Variants in C3orf49 observed in about 807,000 individuals in gnomAD.
C3orf49 encodes chromosome 3 open reading frame 49, also known as putative uncharacterized protein C3orf49.
C3orf49 carries 27 observed loss-of-function variants against 13.3 expected under a neutral mutation model. The ratio of observed to expected loss-of-function variants is 2.02; its 90% CI spans 1.49 to 2.79. C3orf49 has a LOEUF of 2.79. C3orf49 is among the 30% of genes most tolerant of loss of function. The pLI, the probability that C3orf49 is intolerant of heterozygous loss-of-function variation, is 0.00. For missense variants in C3orf49, 242 were observed against 134.2 expected (o/e 1.80, Z -3.97); for synonymous variants, 87 against 47.6 (o/e 1.83, Z -3.40).
the C3orf49 span, among the ~76,000 whole-genome samples, chr3:63,793,856 G>A: frequency 3.9e-5 from 6 of 152,002 alleles, no homozygotes; most frequent in East Asian, 1.9e-4. Flanking sequence ...ACAAATAAGC[G>A]CTCAATAAAT....
At chr3:63,834,272 C>G in intron 5 of C3orf49, 2 of 1,432,970 alleles carry the variant, frequency 1.4e-6, no homozygotes, top group African/African-American at 1.4e-5. Flanking sequence ...CACATGAAAA[C>G]ATGTTTATCC....
rs1356797716 is a variant in C3orf49, at chr3:63,828,658, C to T, written c.570+933C>T. ...TATTTTTCAAAAATAGAACCATGAACTATTATTATTATTATTTTAGATACA... is the reference window on the plus strand; with the variant it reads ...TATTTTTCAAAAATAGAACCATGAATTATTATTATTATTATTTTAGATACA... On this transcript the variant is annotated intron_variant, in intron 3 of 6. Transcript: ENST00000295896. Among the ~76,000 whole-genome samples, 7 of 152,134 alleles carry T rather than the reference C, an allele frequency of 4.6e-5. No homozygotes were observed. The East Asian group carries it at 1.4e-3, about 29-fold the overall frequency.
chr3:63,793,517 G>A, the C3orf49 span, among the ~76,000 whole-genome samples: 1 of 150,984 alleles, frequency 6.6e-6, no homozygotes, highest in South Asian at 2.1e-4. Flanking sequence ...CCCCTTCTTC[G>A]AGTCTCCAGC....
intron 3 of C3orf49, among the ~76,000 whole-genome samples, chr3:63,830,315 T>C (rs1376452837): frequency 6.6e-6 from 1 of 151,886 alleles, no homozygotes; most frequent in Non-Finnish European, 1.5e-5. Context: ...AAAAGAGGGG[T>C]CTTACTTTAG....
intron 2 of C3orf49, 123 bp downstream of exon 2, chr3:63,823,692 G>A (rs1701428384): frequency 1.6e-6 from 1 of 607,124 alleles, no homozygotes; most frequent in Admixed American, 2.9e-5. Context: ...CAGAATCTCA[G>A]GCCCTACCTG....
In C3orf49 at chr3:63,827,719, G is replaced by A. The variant is rs1280210554; in HGVS notation, c.564G>A (p.Leu188=). 3 of 702,154 alleles carry A rather than the reference G, an allele frequency of 4.3e-6. No homozygotes were observed. The highest frequency in any genetic ancestry group is 7.8e-6 in the Non-Finnish European group (3 of 384,792). 43.5% of individuals were successfully genotyped at this position (702,154 alleles called of 1,614,324 possible). A position where few individuals can be genotyped will look rare whatever the true frequency, so the allele number is the denominator to read the frequency against. Residue 188 remains leucine, a synonymous_variant, in exon 3 of 7, where the codon CTG becomes CTA. Coordinates refer to ENST00000295896, the MANE Select transcript of C3orf49 (RefSeq NM_001355236.2). ...RLSVTSLPSG[L]QKGPYSPKKR... The stretch of plus-strand genomic sequence containing the variant: ...CTGTGACATCTCTTCCTTCAGGACT[G>A]CAAAAGGTAAAACGCTAAATGAATT...
At chr3:63,827,387 C>T (rs1340932014) in intron 2 of C3orf49, 6 of 414,762 alleles carry the variant, frequency 1.4e-5, no homozygotes, top group Admixed American at 1.1e-4. Flanking sequence ...GGGTTGGTGT[C>T]CACTGAGGTC....
At chr3:63,833,004 A>C (rs1255289387) in intron 5 of C3orf49, 1 of 152,160 alleles carries the variant, frequency 6.6e-6, no homozygotes, top group Admixed American at 6.6e-5. Flanking sequence ...CTGAACAAGT[A>C]TTACACATAT....
At chr3:63,782,003 G>A in the C3orf49 span, among the ~76,000 whole-genome samples, 1 of 152,172 alleles carries the variant, frequency 6.6e-6, no homozygotes, top group African/African-American at 2.4e-5. Context: ...TCTGGCTCTA[G>A]AGCCTGTATG....
the C3orf49 span, among the ~76,000 whole-genome samples, chr3:63,800,042 G>A: frequency 6.6e-6 from 1 of 152,154 alleles, no homozygotes; most frequent in Non-Finnish European, 1.5e-5. Flanking sequence ...TGTACTAGAA[G>A]GGAAGCAATT....
At chr3:63,838,557 T>G in intron 5 of C3orf49, 2 of 1,501,928 alleles carry the variant, frequency 1.3e-6, no homozygotes, top group Non-Finnish European at 1.8e-6. Flanking sequence ...AAAAGTGAAC[T>G]GTTATAATGC....
At chr3:63,821,712 G>T (rs949761857) in intron 1 of C3orf49, among the ~76,000 whole-genome samples, 1 of 151,996 alleles carries the variant, frequency 6.6e-6, no homozygotes, top group African/African-American at 2.4e-5. Flanking sequence ...ATTACATGAT[G>T]TATATTTCCA....
the C3orf49 span, among the ~76,000 whole-genome samples, chr3:63,783,406 G>C: frequency 6.6e-6 from 1 of 151,966 alleles, no homozygotes; most frequent in African/African-American, 2.4e-5. Context: ...TTCTGGGCTG[G>C]GCATGGTGGC....
intron 6 of C3orf49, chr3:63,846,231 T>C (rs1166466604): frequency 2.2e-6 from 1 of 451,082 alleles, no homozygotes; most frequent in Non-Finnish European, 4.5e-6. Flanking sequence ...AAAAAAGCAG[T>C]TAAACAGTTT....
At chr3:63,827,342 G>A (rs1199882599) in intron 2 of C3orf49, 9 of 297,144 alleles carry the variant, frequency 3.0e-5, no homozygotes, top group Middle Eastern at 9.9e-4. Context: ...CTTAAATCTC[G>A]AAGAGAGAGA....
the C3orf49 span, among the ~76,000 whole-genome samples, chr3:63,780,445 C>T: frequency 6.6e-6 from 1 of 152,176 alleles, no homozygotes; most frequent in Non-Finnish European, 1.5e-5. Flanking sequence ...CCGCAATAAA[C>T]ATACGTGTGC....
At position 63,827,718 on chromosome 3, in the gene C3orf49, T is replaced by C. The variant is rs547628233; in HGVS notation, c.563T>C (p.Leu188Pro). Residue 188 changes from leucine (L) to proline (P), a missense_variant, in exon 3 of 7, where the codon CTG becomes CCG. Leu to Pro is a moderately conservative substitution (Grantham distance 98). Transcript: ENST00000295896. Reference protein sequence around the residue: ...RLSVTSLPSGLQKGPYSPKKR... With the variant: ...RLSVTSLPSGPQKGPYSPKKR... ...TCTGTGACATCTCTTCCTTCAGGAC[T>C]GCAAAAGGTAAAACGCTAAATGAAT... is the stretch of plus-strand genomic sequence containing the variant. 3.7e-5 allele frequency: 26 copies of C among 702,314 alleles called. No individual in the cohort carries two copies. In the Admixed American group the frequency reaches 5.2e-4, roughly 14 times the overall value. 43.5% of individuals were successfully genotyped at this position (702,314 alleles called of 1,614,324 possible).
chr3:63,846,405 T>G (rs1412175145), intron 6 of C3orf49, among the ~76,000 whole-genome samples: 1 of 152,114 alleles, frequency 6.6e-6, no homozygotes, highest in Admixed American at 6.6e-5. Flanking sequence ...AACTTATTAT[T>G]TAAAAATTTT....
At chr3:63,781,506 G>GT in the C3orf49 span, among the ~76,000 whole-genome samples, 3 of 152,170 alleles carry the variant, frequency 2.0e-5, no homozygotes, top group South Asian at 4.2e-4. Context: ...CTTTAAAGTA[G>GT]TTTTTTTCCA....
Sources: allele counts gnomAD v4.1 joint callset (sites outside exome capture counted in the v4.1 genomes callset), GRCh38; gene constraint gnomAD v4.1.1; transcripts MANE v1.5; gene names NCBI Gene and HGNC (gene_info 2026-07-23, HGNC 2026-07-21).